The following TENM3 variants were observed in gnomAD, a reference collection of about 807,000 sequenced individuals.
TENM3 encodes the protein teneurin-3.
A neutral mutation model predicts 255.1 loss-of-function variants in TENM3; 63 were observed. The observed-to-expected ratio is 0.25, with a 90% CI of 0.20 to 0.30. The LOEUF is 0.30. TENM3 is among the 10% of genes least tolerant of loss of function. The pLI is 1.00. For synonymous variants in TENM3, 1,306 were observed against 1,322.3 expected (o/e 0.99, Z 0.27); for missense variants, 2,929 against 3,461.1 (o/e 0.85, Z 3.86).
the TENM3 span, among the ~76,000 whole-genome samples, chr4:181,830,757 G>A: frequency 1.1e-4 from 16 of 152,160 alleles, no homozygotes; most frequent in Non-Finnish European, 1.8e-4. Context: ...TTCCCAGATG[G>A]ACTGAAATCT....
intron 3 of TENM3, among the ~76,000 whole-genome samples, chr4:182,413,484 T>C (rs1382005023): frequency 1.3e-5 from 2 of 151,970 alleles, no homozygotes; most frequent in Non-Finnish European, 2.9e-5. Context: ...GGACGTGGTG[T>C]GTGGGCCTGT....
At chr4:181,804,769 G>A in the TENM3 span, among the ~76,000 whole-genome samples, 1 of 152,156 alleles carries the variant, frequency 6.6e-6, no homozygotes, top group Non-Finnish European at 1.5e-5. Flanking sequence ...CAGCTACTCA[G>A]GAGCCTGAGG....
At chr4:182,314,795 C>CT (rs1762656412) in intron 1 of TENM3, among the ~76,000 whole-genome samples, 1 of 152,156 alleles carries the variant, frequency 6.6e-6, no homozygotes, top group Non-Finnish European at 1.5e-5. Flanking sequence ...GGGTTTAAGT[C>CT]TATCATCTTG....
At chr4:182,383,235 T>C (rs1767688941) in intron 3 of TENM3, among the ~76,000 whole-genome samples, 1 of 152,130 alleles carries the variant, frequency 6.6e-6, no homozygotes, top group Admixed American at 6.5e-5. Flanking sequence ...CAAGGACTTA[T>C]ACATCAAGTT....
chr4:182,468,488 A>G (rs535062184), intron 3 of TENM3, among the ~76,000 whole-genome samples: 4 of 152,234 alleles, frequency 2.6e-5, no homozygotes, highest in African/African-American at 9.6e-5. Context: ...TTCAAAAGCA[A>G]TGGTTTGGAT....
At chr4:182,329,610 G>A (rs1392379959) in intron 2 of TENM3, among the ~76,000 whole-genome samples, 1 of 152,062 alleles carries the variant, frequency 6.6e-6, no homozygotes, top group Non-Finnish European at 1.5e-5. Flanking sequence ...AATGAACAAT[G>A]GAGATAAGAG....
chr4:181,662,545 G>C, the TENM3 span, among the ~76,000 whole-genome samples: 2 of 152,186 alleles, frequency 1.3e-5, no homozygotes, highest in African/African-American at 4.8e-5. Context: ...GAGAGACTTT[G>C]TTCCTGACCT....
intron 3 of TENM3, among the ~76,000 whole-genome samples, chr4:182,532,979 G>A (rs11731599): frequency 0.48 from 72,794 of 152,018 alleles, 17,640 homozygotes; most frequent in East Asian, 0.56. Context: ...CGCAAGAAGG[G>A]CATTATTTCC....
At chr4:182,729,878 G>T (rs1463061375) in intron 14 of TENM3, among the ~76,000 whole-genome samples, 2 of 152,104 alleles carry the variant, frequency 1.3e-5, no homozygotes, top group Admixed American at 1.3e-4. Flanking sequence ...CTTCATGTGA[G>T]CACCATATAT....
chr4:181,968,289 GT>G, the TENM3 span, among the ~76,000 whole-genome samples: 3 of 152,048 alleles, frequency 2.0e-5, no homozygotes, highest in Non-Finnish European at 4.4e-5. Flanking sequence ...TACATGCTTG[GT>G]CCTCCCCAGT....
At chr4:182,604,342 A>G (rs374826081) in intron 4 of TENM3, among the ~76,000 whole-genome samples, 59 of 152,284 alleles carry the variant, frequency 3.9e-4, no homozygotes, top group East Asian at 1.2e-3. Flanking sequence ...CCTATTAACA[A>G]TCGGTCCCTA....
intron 3 of TENM3, among the ~76,000 whole-genome samples, chr4:182,416,938 A>G (rs751641645): frequency 6.6e-6 from 1 of 152,186 alleles, no homozygotes; most frequent in Non-Finnish European, 1.5e-5. Flanking sequence ...ATGACAAAAC[A>G]TTGAAATCTA....
At chr4:182,412,661 C>G (rs572695813) in intron 3 of TENM3, among the ~76,000 whole-genome samples, 1 of 151,694 alleles carries the variant, frequency 6.6e-6, no homozygotes, top group Non-Finnish European at 1.5e-5. Flanking sequence ...GTCAGGAGAT[C>G]GAGACTATCC....
chr4:181,463,092 A>G, the TENM3 span, among the ~76,000 whole-genome samples: 1 of 152,204 alleles, frequency 6.6e-6, no homozygotes, highest in Non-Finnish European at 1.5e-5. Flanking sequence ...ATCTCTCTCT[A>G]CAAGACCTTT....
At chr4:181,891,488 C>T in the TENM3 span, among the ~76,000 whole-genome samples, 2 of 152,142 alleles carry the variant, frequency 1.3e-5, no homozygotes, top group African/African-American at 4.8e-5. Flanking sequence ...TCTTAGCCAT[C>T]CTAATACCTT....
rs189179423 is a variant in TENM3, at chr4:182,743,465, C to G, written c.3629+46C>G. ...GGCTTTTAACCAAAGCTAAACGTGC[C>G]TCTTTAAAAAAAAGGTTGAGTCTGA... On this transcript the variant is annotated intron_variant, in intron 19 of 27. Coordinates refer to ENST00000511685, the MANE Select transcript of TENM3 (RefSeq NM_001080477.4). 4,228 of 1,587,106 alleles carry G rather than the reference C, an allele frequency of 2.7e-3. 9 individuals are homozygous for G. The highest frequency in any genetic ancestry group is 4.5e-3 in the South Asian group (400 of 89,070).
the TENM3 span, among the ~76,000 whole-genome samples, chr4:181,828,454 A>G: frequency 3.3e-5 from 5 of 152,368 alleles, no homozygotes; most frequent in East Asian, 1.9e-4. Context: ...AAATATCCCA[A>G]TGAAGTAGCC....
At chr4:182,212,422 G>A (rs1243441428) in intron 1 of TENM3, among the ~76,000 whole-genome samples, 2 of 152,144 alleles carry the variant, frequency 1.3e-5, no homozygotes, top group African/African-American at 4.8e-5. Context: ...GTCTCTGCAG[G>A]CGCCCGTTGG....
Position 182,271,483 on chromosome 4 carries a change from T to C in TENM3, c.-76+28007T>C, listed in dbSNP as rs145771782. Among the ~76,000 whole-genome samples, 33 of 152,228 alleles carry C rather than the reference T, an allele frequency of 2.2e-4. No homozygotes were observed. The East Asian group carries it at 5.6e-3, about 26-fold the overall frequency. On this transcript the variant is annotated intron_variant, in intron 1 of 27. Coordinates refer to ENST00000511685, the MANE Select transcript of TENM3 (RefSeq NM_001080477.4). The stretch of plus-strand genomic sequence containing the variant: ...GGACATCAGGAACAGGTGGGTCCAG[T>C]TGTGCATTTCAATTCTTGTCACAGA...
Sources: gnomAD v4.1 joint callset for allele counts (sites outside exome capture counted in the v4.1 genomes callset) on GRCh38, gnomAD v4.1.1 for gene constraint, MANE v1.5 for transcripts, NCBI Gene and HGNC (gene_info 2026-07-23, HGNC 2026-07-21) for gene names.